IQUB: variants seen among roughly 807,000 people sequenced by gnomAD.
IQUB encodes the protein IQ motif and ubiquitin-like domain-containing protein.
A neutral mutation model predicts 86.4 loss-of-function variants in IQUB; 86 were observed. The observed-to-expected ratio is 1.00, with a 90% CI of 0.84 to 1.19. The LOEUF is 1.19. Among genes scored for constraint, IQUB ranks in the 50% most tolerant of loss-of-function variants. The pLI, the probability that IQUB is intolerant of heterozygous loss-of-function variation, is 0.00. For missense variants in IQUB, 946 were observed against 916.9 expected (o/e 1.03, Z -0.41); for synonymous variants, 289 against 304.5 (o/e 0.95, Z 0.53).
At chr7:123,511,852 A>G in intron 2 of IQUB, 92 bp downstream of exon 2, 1 of 997,072 alleles carries the variant, frequency 1.0e-6, no homozygotes, top group South Asian at 1.8e-5. Context: ...ATCAAATATA[A>G]AACAAATCTT....
At position 123,461,700 on chromosome 7, in the gene IQUB, TTATC is replaced by T. The variant is rs1354559860; in HGVS notation, c.1759-99_1759-96del. 5 of 1,095,716 alleles carry T rather than the reference TTATC, an allele frequency of 4.6e-6. No individual in the cohort carries two copies. In the African/African-American group the frequency reaches 4.8e-5, roughly 10 times the overall value. 67.9% of individuals were successfully genotyped at this position (1,095,716 alleles called of 1,614,324 possible). A position where few individuals can be genotyped will look rare whatever the true frequency, so the allele number is the denominator to read the frequency against. On this transcript the variant is annotated intron_variant, in intron 10 of 12. Coordinates refer to ENST00000324698, the MANE Select transcript of IQUB (RefSeq NM_178827.5). ...ATGGAAGCATCAAAGGCTAACTTACTTATCTTAGAATGAGATTTAAAAAAAAAAG... is the reference window on the plus strand; with the variant it reads ...ATGGAAGCATCAAAGGCTAACTTACTTTAGAATGAGATTTAAAAAAAAAAG...
rs991191779 is a variant in IQUB, at chr7:123,479,964, C to T, written c.1241G>A (p.Arg414Gln). The T allele has an allele frequency of 9.3e-6, 15 of 1,606,746 alleles. No individual in the cohort carries two copies. Among genetic ancestry groups the T allele is most frequent in the South Asian group, 2.2e-5 (2 of 89,376 alleles). Residue 414 changes from arginine (R) to glutamine (Q), a missense_variant, in exon 8 of 13, where the codon CGG (arginine) becomes CAG (glutamine). Physicochemically the swap from Arg to Gln is conservative, Grantham distance 43. Coordinates refer to ENST00000324698, the MANE Select transcript of IQUB (RefSeq NM_178827.5). The part of the protein sequence containing the change: ...EFLYNALEFW[R>Q]QEELTRINQS... ...GTTAATACGTGTAAGTTCTTCTTGC[C>T]GCCAGACTAGAGGAATAACACAATA...
chr7:123,487,796 T>C (rs1456885259), intron 7 of IQUB, among the ~76,000 whole-genome samples: 1 of 152,198 alleles, frequency 6.6e-6, no homozygotes, highest in Non-Finnish European at 1.5e-5. Context: ...GTATACACAC[T>C]TCCATATGTG....
At chr7:123,503,659 C>T (rs1418953055) in intron 3 of IQUB, among the ~76,000 whole-genome samples, 3 of 151,796 alleles carry the variant, frequency 2.0e-5, no homozygotes, top group Non-Finnish European at 4.4e-5. Flanking sequence ...TACACATTCT[C>T]ATTTTAAGGA....
At chr7:123,499,388 GC>G (rs1430830485) in intron 6 of IQUB, among the ~76,000 whole-genome samples, 1 of 152,190 alleles carries the variant, frequency 6.6e-6, no homozygotes, top group Non-Finnish European at 1.5e-5. Context: ...GGGATTACAA[GC>G]ATGTGCCTCA....
At chr7:123,527,892 T>G (rs1213876048) in intron 1 of IQUB, among the ~76,000 whole-genome samples, 1 of 152,238 alleles carries the variant, frequency 6.6e-6, no homozygotes, top group Non-Finnish European at 1.5e-5. Flanking sequence ...GCCTGAGCAA[T>G]GGCGGGCGCC....
intron 1 of IQUB, 117 bp downstream of exon 1, chr7:123,534,375 C>T (rs546894960): frequency 2.6e-5 from 4 of 152,502 alleles, no homozygotes; most frequent in African/African-American, 9.6e-5. Flanking sequence ...GCCCCAGGCG[C>T]TCAGGTGGGA....
At chr7:123,497,241 A>G (rs1232687800) in intron 6 of IQUB, among the ~76,000 whole-genome samples, 1 of 152,186 alleles carries the variant, frequency 6.6e-6, no homozygotes, top group East Asian at 1.9e-4. Flanking sequence ...TCTATGCTTT[A>G]GTACCCTCAT....
chr7:123,522,255 CCT>C (rs952812704), intron 1 of IQUB, among the ~76,000 whole-genome samples: 1 of 152,136 alleles, frequency 6.6e-6, no homozygotes, highest in Non-Finnish European at 1.5e-5. Context: ...TGGTGTTTCC[CCT>C]GTTGGACTGG....
chr7:123,471,399 G>A (rs994906427), intron 8 of IQUB, among the ~76,000 whole-genome samples: 3 of 152,122 alleles, frequency 2.0e-5, no homozygotes, highest in African/African-American at 7.2e-5. Context: ...TAAGTTTCAT[G>A]CTGTAATATT....
intron 7 of IQUB, among the ~76,000 whole-genome samples, chr7:123,485,175 T>C (rs1475375574): frequency 6.6e-6 from 1 of 152,114 alleles, no homozygotes; most frequent in African/African-American, 2.4e-5. Flanking sequence ...TTCGTCAAAA[T>C]TCTGGAGGCT....
At chr7:123,460,944 T>G (rs1376312262) in intron 11 of IQUB, among the ~76,000 whole-genome samples, 1 of 151,428 alleles carries the variant, frequency 6.6e-6, no homozygotes, top group Non-Finnish European at 1.5e-5. Flanking sequence ...ACACTTTACA[T>G]AGACAAGTAT....
chr7:123,478,757 G>C (rs1584577503), intron 8 of IQUB, among the ~76,000 whole-genome samples: 1 of 152,200 alleles, frequency 6.6e-6, no homozygotes, highest in East Asian at 1.9e-4. Flanking sequence ...CCGAGTAGAT[G>C]ATGAAATTTC....
chr7:123,508,862 T>C (rs1796300798), intron 3 of IQUB, among the ~76,000 whole-genome samples: 1 of 152,236 alleles, frequency 6.6e-6, no homozygotes, highest in South Asian at 2.1e-4. Flanking sequence ...AAAAGGCTGC[T>C]GTGTGGATTA....
At chr7:123,496,971 C>T in intron 6 of IQUB, 65 bp from the exon 7 acceptor site, 2 of 950,894 alleles carry the variant, frequency 2.1e-6, no homozygotes, top group Non-Finnish European at 3.1e-6. Context: ...ACAATAAAGG[C>T]AATGATGATT....
intron 1 of IQUB, among the ~76,000 whole-genome samples, chr7:123,512,765 T>C (rs1397653713): frequency 6.6e-6 from 1 of 152,168 alleles, no homozygotes; most frequent in Non-Finnish European, 1.5e-5. Flanking sequence ...CTGAACAGAA[T>C]ACACTTTTTG....
chr7:123,502,073 C>T (rs1292205601), intron 6 of IQUB: 1 of 152,982 alleles, frequency 6.5e-6, no homozygotes, highest in Non-Finnish European at 1.5e-5. Flanking sequence ...GATTTCTTGT[C>T]ATTTGAAAAG....
chr7:123,533,559 T>C (rs1208387294), intron 1 of IQUB, among the ~76,000 whole-genome samples: 2 of 152,084 alleles, frequency 1.3e-5, no homozygotes, highest in Non-Finnish European at 2.9e-5. Context: ...TTTCCAAATT[T>C]CCTGACATGC....
chr7:123,470,794 T>A (rs192084564), intron 8 of IQUB, among the ~76,000 whole-genome samples: 57 of 150,240 alleles, frequency 3.8e-4, no homozygotes, highest in African/African-American at 1.3e-3. Context: ...GAGCTTGCAG[T>A]GAGCCGAGAT....
Sources: allele counts gnomAD v4.1 joint callset (sites outside exome capture counted in the v4.1 genomes callset), GRCh38; gene constraint gnomAD v4.1.1; transcripts MANE v1.5; gene names NCBI Gene and HGNC (gene_info 2026-07-23, HGNC 2026-07-21).